XKR4: variants seen among roughly 807,000 people sequenced by gnomAD.
XKR4 encodes the protein XK related 4, also known as XK-related protein 4.
XKR4 carries 12 observed loss-of-function variants against 53.9 expected under a neutral mutation model. The ratio of observed to expected loss-of-function variants is 0.22; its 90% CI spans 0.14 to 0.36. The LOEUF is 0.36. XKR4 is among the 10% of genes least tolerant of loss of function. XKR4 has a pLI of 1.00. For missense variants in XKR4, 799 were observed against 859.5 expected (o/e 0.93, Z 0.88); for synonymous variants, 354 against 362.4 (o/e 0.98, Z 0.26).
At chr8:55,121,225 A>G (rs1563461223) in intron 1 of XKR4, among the ~76,000 whole-genome samples, 2 of 152,234 alleles carry the variant, frequency 1.3e-5, no homozygotes, top group African/African-American at 2.4e-5. Context: ...TTATTTGGGT[A>G]GATACCAAGT....
chr8:55,539,716 C>T lies in XKR4; in HGVS notation c.*15489C>T, dbSNP rs1036680312. The T allele has an allele frequency of 1.3e-5, 2 of 152,084 alleles. No homozygotes were observed. Among genetic ancestry groups the T allele is most frequent in the African/African-American group, 4.8e-5 (2 of 41,374 alleles). The allele number at this position is 152,084 out of a possible 1,614,324, so 9.4% of individuals were successfully genotyped here. On this transcript the variant is annotated 3_prime_UTR_variant, in exon 3 of 3. Coordinates refer to ENST00000327381, the MANE Select transcript of XKR4 (RefSeq NM_052898.2). ...TGCCCACTTCCTAGTATCAATACTC[C>T]CCCAACCAGAAATGCAGCAGAATAT...
intron 2 of XKR4, among the ~76,000 whole-genome samples, chr8:55,510,731 G>A (rs1806613470): frequency 6.6e-6 from 1 of 152,210 alleles, no homozygotes; most frequent in South Asian, 2.1e-4. Context: ...ATTATTAGAT[G>A]CTCTCATAGT....
intron 1 of XKR4, among the ~76,000 whole-genome samples, chr8:55,253,978 C>A (rs1031843011): frequency 2.6e-5 from 4 of 151,910 alleles, no homozygotes; most frequent in South Asian, 2.1e-4. Flanking sequence ...GCCTGGCCCC[C>A]CAAAGTGCTG....
intron 1 of XKR4, among the ~76,000 whole-genome samples, chr8:55,329,670 C>T (rs1227772250): frequency 6.6e-6 from 1 of 152,200 alleles, no homozygotes; most frequent in Non-Finnish European, 1.5e-5. Context: ...AACTCCTTCC[C>T]TTGTTCCTTC....
At chr8:55,305,275 C>G (rs1819278855) in intron 1 of XKR4, among the ~76,000 whole-genome samples, 1 of 152,168 alleles carries the variant, frequency 6.6e-6, no homozygotes, top group African/African-American at 2.4e-5. Flanking sequence ...CCAGACATCT[C>G]TGTCATTACA....
intron 2 of XKR4, among the ~76,000 whole-genome samples, chr8:55,461,153 T>A (rs1446695210): frequency 6.6e-6 from 1 of 152,230 alleles, no homozygotes; most frequent in East Asian, 1.9e-4. Context: ...CAGCTTGAGA[T>A]CTGAGAACGG....
chr8:55,493,475 C>A (rs964386023), intron 2 of XKR4, among the ~76,000 whole-genome samples: 1 of 152,210 alleles, frequency 6.6e-6, no homozygotes, highest in African/African-American at 2.4e-5. Context: ...GTTATGAGTG[C>A]CTCCCATTGC....
intron 2 of XKR4, among the ~76,000 whole-genome samples, chr8:55,485,406 G>T (rs1272785571): frequency 6.6e-6 from 1 of 152,172 alleles, no homozygotes; most frequent in East Asian, 1.9e-4. Flanking sequence ...AAAAAGTTCA[G>T]CAAGCTCATA....
chr8:55,486,121 C>A (rs774805896), intron 2 of XKR4, among the ~76,000 whole-genome samples: 3 of 152,068 alleles, frequency 2.0e-5, no homozygotes, highest in Non-Finnish European at 4.4e-5. Flanking sequence ...GGTATAAGAG[C>A]TATGAAGAGA....
chr8:55,126,043 A>G (rs1816463728), intron 1 of XKR4, among the ~76,000 whole-genome samples: 1 of 152,084 alleles, frequency 6.6e-6, no homozygotes, highest in South Asian at 2.1e-4. Flanking sequence ...CTCACTGGAC[A>G]CCCACACCAA....
intron 2 of XKR4, among the ~76,000 whole-genome samples, chr8:55,400,264 T>C (rs1210924893): frequency 6.6e-6 from 1 of 152,182 alleles, no homozygotes; most frequent in Non-Finnish European, 1.5e-5. Context: ...CTCCTAAGAT[T>C]CACATGGCAC....
intron 1 of XKR4, among the ~76,000 whole-genome samples, chr8:55,277,767 A>G (rs1028834089): frequency 1.3e-5 from 2 of 152,204 alleles, no homozygotes; most frequent in African/African-American, 4.8e-5. Flanking sequence ...GAATAAGACT[A>G]CAGAGGGAGG....
At chr8:55,373,906 C>A (rs894608428) in intron 2 of XKR4, among the ~76,000 whole-genome samples, 15 of 151,828 alleles carry the variant, frequency 9.9e-5, no homozygotes, top group Admixed American at 6.6e-4. Flanking sequence ...GAGTATTGAA[C>A]CTTTCAGAAT....
At position 55,528,501 on chromosome 8, in the gene XKR4, T is replaced by A. The variant is rs1806906854; in HGVS notation, c.*4274T>A. The A allele has an allele frequency of 6.6e-6, 1 of 152,246 alleles. No homozygotes were observed. Among genetic ancestry groups the A allele is most frequent in the Non-Finnish European group, 1.5e-5 (1 of 68,036 alleles). 9.4% of individuals were successfully genotyped at this position (152,246 alleles called of 1,614,324 possible). A position where few individuals can be genotyped will look rare whatever the true frequency, so the allele number is the denominator to read the frequency against. ...CTAATGAACCATTTTCTAGACTAAA[T>A]ATATGCTCCCTTGCATTTTCCACAT... On this transcript the variant is annotated 3_prime_UTR_variant, in exon 3 of 3. Transcript: ENST00000327381.
chr8:55,185,807 G>T (rs1585926091), intron 1 of XKR4, among the ~76,000 whole-genome samples: 1 of 152,206 alleles, frequency 6.6e-6, no homozygotes. Context: ...AAGAGAGTTT[G>T]ATTCCACCTA....
At chr8:55,163,795 C>T (rs187942996) in intron 1 of XKR4, among the ~76,000 whole-genome samples, 95 of 152,108 alleles carry the variant, frequency 6.2e-4, no homozygotes, top group African/African-American at 2.0e-3. Context: ...CAGTGAGCTG[C>T]GATCGTGCCA....
At chr8:55,391,910 A>G (rs1442857022) in intron 2 of XKR4, among the ~76,000 whole-genome samples, 4 of 152,224 alleles carry the variant, frequency 2.6e-5, no homozygotes, top group African/African-American at 7.2e-5. Flanking sequence ...ACACTTTAAT[A>G]GTCAATTTTG....
chr8:55,518,901 A>T (rs147268194), intron 2 of XKR4, among the ~76,000 whole-genome samples: 2 of 152,226 alleles, frequency 1.3e-5, no homozygotes, highest in East Asian at 3.8e-4. Context: ...AAAGAAGAGG[A>T]GAGAGAAAAA....
intron 2 of XKR4, chr8:55,449,990 C>A (rs996594860): frequency 8.6e-6 from 7 of 816,090 alleles, no homozygotes; most frequent in Non-Finnish European, 1.5e-5. Context: ...AGGTACATAC[C>A]CAGCGAGCAG....
Sources: allele counts gnomAD v4.1 joint callset (sites outside exome capture counted in the v4.1 genomes callset), GRCh38; gene constraint gnomAD v4.1.1; transcripts MANE v1.5; gene names NCBI Gene and HGNC (gene_info 2026-07-23, HGNC 2026-07-21).